Variants in PCDH15 observed in about 807,000 individuals in gnomAD.
The protein encoded by PCDH15 is protocadherin related 15.
PCDH15 carries 129 observed loss-of-function variants against 178.5 expected under a neutral mutation model. The observed-to-expected ratio is 0.72, with a 90% CI of 0.63 to 0.84. The LOEUF is 0.84. PCDH15 is among the 40% of genes least tolerant of loss of function. The probability of loss-of-function intolerance (pLI) is 0.00; values close to 1 mark genes in which losing one functional copy is unlikely to be tolerated. For missense variants in PCDH15, 2,230 were observed against 2,099.9 expected (o/e 1.06, Z -1.21); for synonymous variants, 800 against 732.0 (o/e 1.09, Z -1.50).
intron 2 of PCDH15, among the ~76,000 whole-genome samples, chr10:55,044,223 A>C (rs1481215879): frequency 1.3e-5 from 2 of 152,144 alleles, no homozygotes; most frequent in East Asian, 3.9e-4. Flanking sequence ...AGTTACTAGA[A>C]ATACTGCACC....
chr10:54,138,904 G>A (rs923871054), intron 14 of PCDH15, among the ~76,000 whole-genome samples: 5 of 150,624 alleles, frequency 3.3e-5, no homozygotes, highest in Non-Finnish European at 5.9e-5. Flanking sequence ...CATGTATTAC[G>A]TTTTTTTTTG....
intron 11 of PCDH15, among the ~76,000 whole-genome samples, chr10:54,192,798 T>G (rs2133893319): frequency 6.6e-6 from 1 of 152,242 alleles, no homozygotes; most frequent in East Asian, 1.9e-4. Context: ...GCTGATTAAT[T>G]ACTTGACACT....
chr10:53,981,209 A>G (rs998437187), intron 21 of PCDH15, among the ~76,000 whole-genome samples: 1 of 152,212 alleles, frequency 6.6e-6, no homozygotes, highest in African/African-American at 2.4e-5. Flanking sequence ...GAATAATAAG[A>G]TTTCAATTAT....
chr10:55,110,053 A>T lies in PCDH15; in HGVS notation c.-80+56523T>A, dbSNP rs1356177264. On this transcript the variant is annotated intron_variant, in intron 2 of 5. Coordinates refer to the PCDH15 transcript ENST00000458638. ...GTTGTATTAATTGTAGTTACTATTGATTTTTAATATTATAGCATAAAGTTT... is the reference window on the plus strand; with the variant it reads ...GTTGTATTAATTGTAGTTACTATTGTTTTTTAATATTATAGCATAAAGTTT... Among the ~76,000 whole-genome samples the T allele has an allele frequency of 2.7e-5, 4 of 150,050 alleles. No homozygotes were observed. The East Asian group carries it at 5.8e-4, about 22-fold the overall frequency.
chr10:54,295,566 A>T (rs1241620770), intron 8 of PCDH15, among the ~76,000 whole-genome samples: 1 of 152,124 alleles, frequency 6.6e-6, no homozygotes, highest in African/African-American at 2.4e-5. Flanking sequence ...GAGACTACAA[A>T]CCCACTGGAA....
intron 2 of PCDH15, among the ~76,000 whole-genome samples, chr10:55,555,047 A>G (rs1373790268): frequency 6.6e-6 from 1 of 152,070 alleles, no homozygotes; most frequent in Non-Finnish European, 1.5e-5. Flanking sequence ...GAAGAAAATC[A>G]GTATTTCCAT....
At chr10:55,326,878 A>AT (rs1844044722) in intron 2 of PCDH15, among the ~76,000 whole-genome samples, 1 of 152,086 alleles carries the variant, frequency 6.6e-6, no homozygotes, top group Non-Finnish European at 1.5e-5. Flanking sequence ...AAACTCAAGC[A>AT]TGGTACATTT....
intron 18 of PCDH15, among the ~76,000 whole-genome samples, chr10:54,064,804 G>A (rs991618521): frequency 1.3e-5 from 2 of 152,132 alleles, no homozygotes; most frequent in African/African-American, 4.8e-5. Flanking sequence ...AGGCACTTCC[G>A]ACTCTGTGGG....
chr10:54,738,597 CAAT>C (rs539371551), intron 1 of PCDH15, among the ~76,000 whole-genome samples: 13 of 151,854 alleles, frequency 8.6e-5, no homozygotes, highest in Middle Eastern at 3.4e-3. Flanking sequence ...GACAAACATG[CAAT>C]AATAATAATA....
chr10:55,374,096 A>C, intron 2 of PCDH15, among the ~76,000 whole-genome samples: 1 of 144,256 alleles, frequency 6.9e-6, no homozygotes, highest in Admixed American at 7.0e-5. Flanking sequence ...TAATAATAAT[A>C]ATAATAATAA....
At chr10:54,677,567 G>C (rs905730099) in intron 1 of PCDH15, among the ~76,000 whole-genome samples, 1 of 151,984 alleles carries the variant, frequency 6.6e-6, no homozygotes, top group African/African-American at 2.4e-5. Flanking sequence ...AAGAATCTAA[G>C]TGTCCATAAA....
At chr10:54,743,098 G>A (rs1360758822) in intron 1 of PCDH15, among the ~76,000 whole-genome samples, 1 of 151,974 alleles carries the variant, frequency 6.6e-6, no homozygotes, top group Non-Finnish European at 1.5e-5. Flanking sequence ...CAGAAAAGTA[G>A]ATAAAGGTTC....
intron 2 of PCDH15, among the ~76,000 whole-genome samples, chr10:54,946,631 C>T (rs935389702): frequency 5.1e-4 from 78 of 151,896 alleles, no homozygotes; most frequent in African/African-American, 1.9e-3. Flanking sequence ...GGATGATTGC[C>T]TGAATAAAAA....
chr10:54,378,694 A>G lies in PCDH15; in HGVS notation c.318+88T>C, dbSNP rs1948797047. 2.8e-6 allele frequency: 4 copies of G among 1,417,934 alleles called. No individual in the cohort carries two copies. The East Asian group carries it at 9.8e-5, about 35-fold the overall frequency. 87.8% of individuals were successfully genotyped at this position (1,417,934 alleles called of 1,614,324 possible). A position where few individuals can be genotyped will look rare whatever the true frequency, so the allele number is the denominator to read the frequency against. ...CTCAGGAAATAAACTCAAATTATGT[A>G]AATAATTCAATATCATATAAACACA... is the stretch of plus-strand genomic sequence containing the variant. On this transcript the variant is annotated intron_variant, in intron 4 of 37. Transcript: ENST00000644397.
chr10:54,892,457 TA>T (rs1485056531), intron 3 of PCDH15, among the ~76,000 whole-genome samples: 3 of 151,366 alleles, frequency 2.0e-5, no homozygotes, highest in Non-Finnish European at 4.4e-5. Flanking sequence ...CAGTATCTAG[TA>T]AAGTAAAAAA....
intron 3 of PCDH15, among the ~76,000 whole-genome samples, chr10:54,451,162 G>A (rs1483249001): frequency 6.6e-6 from 1 of 151,738 alleles, no homozygotes; most frequent in Non-Finnish European, 1.5e-5. Flanking sequence ...AAGAAAAACA[G>A]CATTAAATCA....
chr10:54,195,710 T>C lies in PCDH15; in HGVS notation c.1278A>G (p.Ile426Met). ...DSLNLTSPLRIVALDKDIEDT... is the reference protein window; with the variant it reads ...DSLNLTSPLRMVALDKDIEDT... ...CTTCTATGTCCTTGTCCAGAGCTAC[T>C]ATTCTTAAAGGTGAAGTCAAATTGA... Residue 426 changes from isoleucine (I) to methionine (M), a missense_variant, in exon 11 of 38, where the codon ATA (isoleucine) becomes ATG (methionine). Transcript: ENST00000644397. 2 of 1,614,026 alleles carry C rather than the reference T, an allele frequency of 1.2e-6. No individual in the cohort carries two copies. The highest frequency in any genetic ancestry group is 1.7e-6 in the Non-Finnish European group (2 of 1,179,916).
chr10:54,667,228 T>C (rs1270867664), intron 1 of PCDH15, among the ~76,000 whole-genome samples: 3 of 152,066 alleles, frequency 2.0e-5, no homozygotes, highest in African/African-American at 7.2e-5. Context: ...AAAGAAATTT[T>C]CATCACTTCA....
At chr10:55,004,468 A>G (rs1839874562) in intron 2 of PCDH15, among the ~76,000 whole-genome samples, 1 of 152,144 alleles carries the variant, frequency 6.6e-6, no homozygotes, top group Non-Finnish European at 1.5e-5. Context: ...ATCAACCACC[A>G]GGCCTCCAGA....
Sources: gnomAD v4.1 joint callset for allele counts (sites outside exome capture counted in the v4.1 genomes callset) on GRCh38, gnomAD v4.1.1 for gene constraint, MANE v1.5 for transcripts, NCBI Gene and HGNC (gene_info 2026-07-23, HGNC 2026-07-21) for gene names.